The following MECOM variants were observed in gnomAD, a reference collection of about 807,000 sequenced individuals.
MECOM encodes MDS1 and EVI1 complex locus.
A neutral mutation model predicts 116.3 loss-of-function variants in MECOM; 13 were observed. The observed-to-expected ratio is 0.11, with a 90% confidence interval of 0.07 to 0.18. The LOEUF is 0.18. Among genes scored for constraint, MECOM ranks in the 10% least tolerant of loss-of-function variants. The pLI, the probability that MECOM is intolerant of heterozygous loss-of-function variation, is 1.00. For synonymous variants in MECOM, 528 were observed against 535.2 expected (o/e 0.99, Z 0.19); for missense variants, 1,299 against 1,509.0 (o/e 0.86, Z 2.31).
intron 2 of MECOM, among the ~76,000 whole-genome samples, chr3:169,188,586 A>T (rs1559969327): frequency 6.6e-6 from 1 of 152,062 alleles, no homozygotes; most frequent in Non-Finnish European, 1.5e-5. Context: ...TATAGCCTAC[A>T]GAGGAGCTAT....
intron 2 of MECOM, among the ~76,000 whole-genome samples, chr3:169,294,163 T>A (rs1422861733): frequency 6.6e-6 from 1 of 152,176 alleles, no homozygotes; most frequent in Non-Finnish European, 1.5e-5. Flanking sequence ...AGTTTTTTTT[T>A]AAGTTGTTGT....
At chr3:169,389,552 C>T (rs1268659058) in intron 1 of MECOM, 1 of 985,208 alleles carries the variant, frequency 1.0e-6, no homozygotes, top group Non-Finnish European at 1.2e-6. Flanking sequence ...CTTTTAGCAA[C>T]CTCTGATGGA....
chr3:169,655,850 T>C (rs1475145203), intron 1 of MECOM, among the ~76,000 whole-genome samples: 2 of 152,194 alleles, frequency 1.3e-5, no homozygotes, highest in Non-Finnish European at 2.9e-5. Flanking sequence ...TGAAACCCAC[T>C]AAGATTTATT....
intron 2 of MECOM, among the ~76,000 whole-genome samples, chr3:169,191,788 A>G (rs1467855925): frequency 1.4e-5 from 2 of 147,922 alleles, no homozygotes; most frequent in African/African-American, 5.0e-5. Context: ...GAAAGAAAGA[A>G]AGAAAGGGAG....
chr3:169,604,718 A>G (rs1768280328), intron 1 of MECOM, among the ~76,000 whole-genome samples: 1 of 152,208 alleles, frequency 6.6e-6, no homozygotes, highest in Non-Finnish European at 1.5e-5. Flanking sequence ...AAGGGCCCCA[A>G]AACATCTTAA....
intron 2 of MECOM, among the ~76,000 whole-genome samples, chr3:169,209,931 T>C (rs1404570582): frequency 1.3e-5 from 2 of 152,144 alleles, no homozygotes; most frequent in Admixed American, 6.6e-5. Flanking sequence ...CTATTTACAA[T>C]AGCAAAGTCA....
At chr3:169,485,973 CATATATATATAGTATATAT>C (rs1189760025) in intron 1 of MECOM, among the ~76,000 whole-genome samples, 3 of 53,876 alleles carry the variant, frequency 5.6e-5, no homozygotes, top group African/African-American at 2.1e-4. Flanking sequence ...ACTATATATA[CATATATATATAGTATATAT>C]ATGTATATAT....
Position 169,318,607 on chromosome 3 carries a change from G to T in MECOM, c.375+62580C>A, listed in dbSNP as rs953631506. 2.0e-5 allele frequency among the ~76,000 whole-genome samples: 3 copies of T among 152,154 alleles called. No individual in the cohort carries two copies. In the East Asian group the frequency reaches 5.8e-4, roughly 29 times the overall value. On this transcript the variant is annotated intron_variant, in intron 2 of 16. Coordinates refer to ENST00000651503, the MANE Select transcript of MECOM (RefSeq NM_004991.4). ...CAGTTAGAATGGCGATCATTAAGAAGTCAGGAAACGACAGATGCTGGAGAG... is the reference window on the plus strand; with the variant it reads ...CAGTTAGAATGGCGATCATTAAGAATTCAGGAAACGACAGATGCTGGAGAG...
intron 1 of MECOM, among the ~76,000 whole-genome samples, chr3:169,509,939 T>C (rs894073776): frequency 6.6e-6 from 1 of 152,210 alleles, no homozygotes; most frequent in African/African-American, 2.4e-5. Context: ...TTGACTCACT[T>C]TGTACCACAC....
chr3:169,250,600 C>T (rs989848219), intron 2 of MECOM, among the ~76,000 whole-genome samples: 4 of 152,148 alleles, frequency 2.6e-5, no homozygotes, highest in Non-Finnish European at 5.9e-5. Flanking sequence ...AATGTCAACT[C>T]TCCGTTATTG....
At chr3:169,145,278 G>A (rs192554943) in intron 2 of MECOM, 6 of 407,976 alleles carry the variant, frequency 1.5e-5, no homozygotes, top group East Asian at 3.7e-5. Context: ...TCTATTAAGA[G>A]GACAAATTCT....
intron 1 of MECOM, among the ~76,000 whole-genome samples, chr3:169,521,210 A>G (rs1204871009): frequency 2.6e-5 from 4 of 152,184 alleles, no homozygotes; most frequent in Non-Finnish European, 5.9e-5. Flanking sequence ...CAGAGGGTCA[A>G]AAACAGCAGG....
chr3:169,436,617 A>G (rs150506145), intron 1 of MECOM, among the ~76,000 whole-genome samples: 29 of 152,324 alleles, frequency 1.9e-4, no homozygotes, highest in Middle Eastern at 6.8e-3. Context: ...TGGTGAAATT[A>G]TAGTTTTCTC....
intron 2 of MECOM, among the ~76,000 whole-genome samples, chr3:169,255,299 T>C (rs529638807): frequency 4.6e-5 from 7 of 152,280 alleles, no homozygotes; most frequent in African/African-American, 1.7e-4. Flanking sequence ...CAGGAGCCTA[T>C]GCAGTCCTTC....
intron 3 of MECOM, among the ~76,000 whole-genome samples, chr3:169,132,729 A>G (rs1156624295): frequency 2.0e-5 from 3 of 151,234 alleles, no homozygotes; most frequent in Non-Finnish European, 4.4e-5. Context: ...AATGTCCACA[A>G]ACAGAATCAA....
chr3:169,189,526 T>C (rs1577297760), intron 2 of MECOM, among the ~76,000 whole-genome samples: 1 of 152,016 alleles, frequency 6.6e-6, no homozygotes, highest in East Asian at 1.9e-4. Flanking sequence ...AAGACAAATA[T>C]TATGGCAGCA....
intron 1 of MECOM, among the ~76,000 whole-genome samples, chr3:169,491,189 T>C (rs1578251835): frequency 6.6e-6 from 1 of 152,132 alleles, no homozygotes; most frequent in African/African-American, 2.4e-5. Context: ...TCAAATGAAT[T>C]ATTGAGTATA....
At chr3:169,615,422 A>G (rs188831537) in intron 1 of MECOM, among the ~76,000 whole-genome samples, 57 of 152,392 alleles carry the variant, frequency 3.7e-4, no homozygotes, top group Middle Eastern at 3.4e-3. Flanking sequence ...TTTTAACACA[A>G]GAACTATTGA....
At chr3:169,484,838 T>C (rs6780340) in intron 1 of MECOM, among the ~76,000 whole-genome samples, 10,719 of 150,412 alleles carry the variant, frequency 0.071, 651 homozygotes, top group East Asian at 0.25. Flanking sequence ...TTGATCTCTA[T>C]AGCATACCAG....
Sources: gnomAD v4.1 joint callset for allele counts (sites outside exome capture counted in the v4.1 genomes callset) on GRCh38, gnomAD v4.1.1 for gene constraint, MANE v1.5 for transcripts, NCBI Gene and HGNC (gene_info 2026-07-23, HGNC 2026-07-21) for gene names.